ODAM: variants seen among roughly 807,000 people sequenced by gnomAD.
ODAM encodes odontogenic, ameloblast associated.
In ODAM, 55 loss-of-function variants were observed where a neutral mutation model predicts 48.5. The observed-to-expected ratio is 1.13, with a 90% CI of 0.91 to 1.42. The LOEUF is 1.42. Ranked by LOEUF, ODAM falls within the 40% of genes most tolerant of loss-of-function variation. ODAM has a pLI of 0.00. For synonymous variants in ODAM, 127 were observed against 107.8 expected (o/e 1.18, Z -1.10); for missense variants, 353 against 323.6 (o/e 1.09, Z -0.70).
intron 6 of ODAM, chr4:70,200,157 C>T (rs957841230): frequency 9.4e-6 from 4 of 425,272 alleles, no homozygotes; most frequent in Admixed American, 3.1e-5. Flanking sequence ...AGGGTAAGTG[C>T]TACATAGGCT....
chr4:70,202,114 C>A (rs1035361316), intron 8 of ODAM, 144 bp from the exon 9 acceptor site: 1 of 641,374 alleles, frequency 1.6e-6, no homozygotes, highest in Non-Finnish European at 2.8e-6. Flanking sequence ...TCTCTAATAG[C>A]AAAAATTAAA....
chr4:70,202,697 C>T, intron 9 of ODAM, 59 bp from the exon 10 acceptor site: 1 of 1,328,456 alleles, frequency 7.5e-7, no homozygotes, highest in South Asian at 1.4e-5. Context: ...ACATTCTTCC[C>T]AATTTTGGCC....
chr4:70,201,453 G>C lies in ODAM; in HGVS notation c.529-1G>C, dbSNP rs1229662708. On this transcript the variant is annotated splice_acceptor_variant, in intron 7 of 11. Coordinates refer to ENST00000683306, the MANE Select transcript of ODAM (RefSeq NM_017855.4). LOFTEE classifies it high-confidence loss of function. ...AATACATTTTTTAAAAAATCTGACA[G>C]ATACCATTCTATGCTCAATTTGGAT... is the stretch of plus-strand genomic sequence containing the variant. 1 of 1,475,236 alleles carries C rather than the reference G, an allele frequency of 6.8e-7. No homozygotes were observed. Among genetic ancestry groups the C allele is most frequent in the Non-Finnish European group, 9.4e-7 (1 of 1,063,278 alleles). 91.4% of individuals were successfully genotyped at this position (1,475,236 alleles called of 1,614,324 possible). A position where few individuals can be genotyped will look rare whatever the true frequency, so the allele number is the denominator to read the frequency against.
intron 9 of ODAM, 110 bp downstream of exon 9, chr4:70,202,439 TG>T: frequency 1.1e-6 from 1 of 937,920 alleles, no homozygotes; most frequent in Non-Finnish European, 1.7e-6. Flanking sequence ...CAATAATTTT[TG>T]CTTCTTCTTC....
intron 3 of ODAM, among the ~76,000 whole-genome samples, chr4:70,196,948 A>G (rs1560482542): frequency 6.6e-6 from 1 of 152,120 alleles, no homozygotes; most frequent in East Asian, 1.9e-4. Context: ...TCAAAGGCGG[A>G]TACAATATTG....
At chr4:70,202,003 G>T (rs1403436693) in intron 8 of ODAM, among the ~76,000 whole-genome samples, 3 of 151,848 alleles carry the variant, frequency 2.0e-5, no homozygotes, top group Admixed American at 6.6e-5. Flanking sequence ...TTGGTGTTCT[G>T]TAGAATTCTT....
chr4:70,201,762 T>C (rs1399638920), intron 8 of ODAM, among the ~76,000 whole-genome samples: 2 of 151,954 alleles, frequency 1.3e-5, no homozygotes, highest in African/African-American at 4.8e-5. Flanking sequence ...GAAGTGGTTG[T>C]TCACTCTGCA....
intron 1 of ODAM, 104 bp from the exon 2 acceptor site, chr4:70,196,425 A>C (rs1729364240): frequency 1.7e-6 from 1 of 602,520 alleles, no homozygotes; most frequent in Admixed American, 3.3e-5. Flanking sequence ...AGTAAATACT[A>C]TAGAATTCAC....
At chr4:70,202,394 T>C (rs1729519948) in intron 9 of ODAM, 65 bp downstream of exon 9, 25 of 1,235,484 alleles carry the variant, frequency 2.0e-5, no homozygotes, top group Non-Finnish European at 2.7e-5. Flanking sequence ...ACTGCACTAA[T>C]GTTCATTTTA....
At chr4:70,197,566 A>G (rs896416538) in intron 4 of ODAM, among the ~76,000 whole-genome samples, 8 of 152,050 alleles carry the variant, frequency 5.3e-5, no homozygotes, top group Non-Finnish European at 1.0e-4. Context: ...ACTATGAGAT[A>G]GTTAAAAGTA....
intron 1 of ODAM, among the ~76,000 whole-genome samples, 194 bp from the exon 2 acceptor site, chr4:70,196,335 A>G (rs935975784): frequency 6.6e-6 from 1 of 152,036 alleles, no homozygotes; most frequent in Non-Finnish European, 1.5e-5. Flanking sequence ...GTTTTTATAA[A>G]CAGCTTGTCT....
At chr4:70,202,409 C>A in intron 9 of ODAM, 80 bp downstream of exon 9, 1 of 1,117,894 alleles carries the variant, frequency 8.9e-7, no homozygotes, top group Non-Finnish European at 1.4e-6. Flanking sequence ...ATTTTAATAT[C>A]AACTCTGTTG....
chr4:70,201,619 A>C, intron 8 of ODAM, 118 bp downstream of exon 8: 1 of 655,752 alleles, frequency 1.5e-6, no homozygotes, highest in Non-Finnish European at 2.8e-6. Flanking sequence ...AATTGAACAA[A>C]ATTGTATGTA....
At position 70,204,277 on chromosome 4, in the gene ODAM, T is replaced by C. The variant is rs1428641017; in HGVS notation, c.*132T>C. ...ACATGAAATATCTTGACTCTTCTCCTAAATTTGTTTTTACTTATACATGTT... is the reference window on the plus strand; with the variant it reads ...ACATGAAATATCTTGACTCTTCTCCCAAATTTGTTTTTACTTATACATGTT... On this transcript the variant is annotated 3_prime_UTR_variant, in exon 12 of 12. Transcript: ENST00000683306. 6.6e-6 allele frequency: 1 copy of C among 152,044 alleles called. No individual in the cohort carries two copies. Among genetic ancestry groups the C allele is most frequent in the African/African-American group, 2.4e-5 (1 of 41,432 alleles). 9.4% of individuals were successfully genotyped at this position (152,044 alleles called of 1,614,324 possible). A position where few individuals can be genotyped will look rare whatever the true frequency, so the allele number is the denominator to read the frequency against.
intron 7 of ODAM, 59 bp downstream of exon 7, chr4:70,200,660 GTATATTACCA>G: frequency 8.9e-7 from 1 of 1,128,520 alleles, no homozygotes; most frequent in Admixed American, 2.3e-5. Context: ...AGAAAATAAG[GTATATTACCA>G]TAGAAAAAAA....
Position 70,195,972 on chromosome 4 carries a change from A to T in ODAM, c.-16+179A>T, listed in dbSNP as rs17148331. ...TAAACAGGTTACACCATAAATCAAT[A>T]TCACAGTTCAGTTTTATAATCTATT... On this transcript the variant is annotated intron_variant, in intron 1 of 11. Coordinates refer to ENST00000683306, the MANE Select transcript of ODAM (RefSeq NM_017855.4). Among the ~76,000 whole-genome samples, 525 of 152,126 alleles carry T rather than the reference A, an allele frequency of 3.5e-3. 6 individuals are homozygous for T. Among genetic ancestry groups the T allele is most frequent in the Admixed American group, 0.025 (378 of 15,260 alleles).
chr4:70,196,843 T>A (rs1287406516), intron 3 of ODAM, 110 bp downstream of exon 3: 1 of 790,516 alleles, frequency 1.3e-6, no homozygotes, highest in East Asian at 2.6e-5. Flanking sequence ...CTAGCTTTTA[T>A]GTATATCCAA....
At chr4:70,196,097 G>T (rs752481399) in intron 1 of ODAM, among the ~76,000 whole-genome samples, 2 of 151,942 alleles carry the variant, frequency 1.3e-5, no homozygotes, top group Non-Finnish European at 2.9e-5. Context: ...GACTGGTATT[G>T]TCAAATCTCT....
chr4:70,202,769 A>G lies in ODAM; in HGVS notation c.662A>G (p.Glu221Gly), dbSNP rs777438411. 22 of 1,610,156 alleles carry G rather than the reference A, an allele frequency of 1.4e-5. No individual in the cohort carries two copies. Among genetic ancestry groups the G allele is most frequent in the Admixed American group, 5.0e-5 (3 of 59,486 alleles). Residue 221 changes from glutamate (E) to glycine (G), a missense_variant, in exon 10 of 12, where the codon GAG becomes GGG. Coordinates refer to ENST00000683306, the MANE Select transcript of ODAM (RefSeq NM_017855.4). ...CATTCTCTGTAGTCAACAGGAGAAGAGATACCATATTTACAAAAAGAAGCG... is the reference window on the plus strand; with the variant it reads ...CATTCTCTGTAGTCAACAGGAGAAGGGATACCATATTTACAAAAAGAAGCG... ...PEIAVMSTGE[E>G]IPYLQKEAIN...
Sources: allele counts gnomAD v4.1 joint callset (sites outside exome capture counted in the v4.1 genomes callset), GRCh38; gene constraint gnomAD v4.1.1; transcripts MANE v1.5; gene names NCBI Gene and HGNC (gene_info 2026-07-23, HGNC 2026-07-21).